The following EYS variants were observed in gnomAD, a reference collection of about 807,000 sequenced individuals.
EYS encodes protein eyes shut homolog.
EYS carries 250 observed loss-of-function variants against 282.1 expected under a neutral mutation model. That is an observed-to-expected ratio of 0.89 (90% confidence interval 0.80 to 0.98). The LOEUF (loss-of-function observed/expected upper bound fraction) is 0.98. Ranked by LOEUF, EYS falls within the 50% of genes least tolerant of loss-of-function variation. The pLI, the probability that EYS is intolerant of heterozygous loss-of-function variation, is 0.00. For missense variants in EYS, 4,016 were observed against 3,709.0 expected (o/e 1.08, Z -2.15); for synonymous variants, 1,355 against 1,282.9 (o/e 1.06, Z -1.20).
At chr6:65,122,360 A>G (rs906297292) in intron 12 of EYS, among the ~76,000 whole-genome samples, 4 of 152,138 alleles carry the variant, frequency 2.6e-5, no homozygotes, top group Non-Finnish European at 5.9e-5. Context: ...AATGTTTATA[A>G]TTCAGACAGG....
chr6:65,224,404 C>T (rs767528991), intron 12 of EYS, among the ~76,000 whole-genome samples: 11 of 151,850 alleles, frequency 7.2e-5, no homozygotes, highest in South Asian at 2.1e-4. Context: ...TTACAGACTG[C>T]GGTAAAGGAG....
intron 22 of EYS, among the ~76,000 whole-genome samples, chr6:64,688,276 G>T (rs1051338189): frequency 9.2e-5 from 14 of 151,908 alleles, no homozygotes; most frequent in South Asian, 4.2e-4. Context: ...GCTTTTGAAT[G>T]TGTTTGCTCT....
Position 65,207,295 on chromosome 6 carries a change from A to T in EYS, c.2023+88568T>A, listed in dbSNP as rs181044875. On this transcript the variant is annotated intron_variant, in intron 12 of 42. Coordinates refer to ENST00000503581, the MANE Select transcript of EYS (RefSeq NM_001142800.2). Reference sequence around the variant, plus strand: ...AAATAGCCACATGCACAAACAAAAAATACCTAGGAATACACTTAAAGAATT... The same window carrying T: ...AAATAGCCACATGCACAAACAAAAATTACCTAGGAATACACTTAAAGAATT... Among the ~76,000 whole-genome samples, 584 of 151,832 alleles carry T rather than the reference A, an allele frequency of 3.8e-3. 4 individuals are homozygous for T. Among genetic ancestry groups the T allele is most frequent in the Middle Eastern group, 6.8e-3 (2 of 294 alleles).
intron 19 of EYS, among the ~76,000 whole-genome samples, chr6:64,861,261 T>G (rs1766228307): frequency 6.6e-6 from 1 of 152,176 alleles, no homozygotes; most frequent in Non-Finnish European, 1.5e-5. Flanking sequence ...GGCAGGGGAC[T>G]GGCATGTCAG....
chr6:64,419,615 G>T (rs1291021362), intron 28 of EYS, among the ~76,000 whole-genome samples: 10 of 152,136 alleles, frequency 6.6e-5, no homozygotes, highest in Admixed American at 6.5e-4. Context: ...CTCCAACTGG[G>T]AGAAATTGGC....
At chr6:64,320,897 C>T (rs181919089) in intron 29 of EYS, among the ~76,000 whole-genome samples, 175 of 151,864 alleles carry the variant, frequency 1.2e-3, no homozygotes, top group African/African-American at 3.9e-3. Context: ...ATAAATTCTA[C>T]TTGGCTTGTA....
intron 26 of EYS, among the ~76,000 whole-genome samples, chr6:64,492,991 A>G (rs1055691135): frequency 6.6e-6 from 1 of 151,384 alleles, no homozygotes; most frequent in Non-Finnish European, 1.5e-5. Context: ...AGGAGACTGA[A>G]CACAAAATAT....
chr6:64,085,340 G>GCGCGCACACACACACACACACACACACA (rs112388321), intron 31 of EYS, among the ~76,000 whole-genome samples: 7 of 139,886 alleles, frequency 5.0e-5, no homozygotes, highest in African/African-American at 1.4e-4. Context: ...ACGTGCGCGC[G>GCGCGCACACACACACACACACACACACA]CACACACACA....
intron 12 of EYS, among the ~76,000 whole-genome samples, chr6:65,110,687 T>C (rs915332266): frequency 3.3e-5 from 5 of 152,064 alleles, no homozygotes; most frequent in Admixed American, 3.3e-4. Context: ...AAAATGTGTA[T>C]CTTTTTTTCA....
intron 22 of EYS, among the ~76,000 whole-genome samples, chr6:64,779,051 A>C (rs1773776920): frequency 6.6e-6 from 1 of 152,172 alleles, no homozygotes; most frequent in Admixed American, 6.5e-5. Context: ...GAAATTGCAA[A>C]AATGATACAA....
intron 1 of EYS, among the ~76,000 whole-genome samples, chr6:65,648,104 T>A (rs1466331088): frequency 6.6e-6 from 1 of 152,206 alleles, no homozygotes; most frequent in Non-Finnish European, 1.5e-5. Context: ...ACGACCACTA[T>A]GGAAAACAAT....
At chr6:64,908,365 T>C (rs1767893146) in intron 16 of EYS, among the ~76,000 whole-genome samples, 2 of 151,912 alleles carry the variant, frequency 1.3e-5, no homozygotes, top group Non-Finnish European at 2.9e-5. Context: ...CCAGAGGGGA[T>C]TTTACAGTGC....
intron 12 of EYS, among the ~76,000 whole-genome samples, chr6:65,072,464 T>C (rs1773929404): frequency 6.6e-6 from 1 of 151,784 alleles, no homozygotes; most frequent in Non-Finnish European, 1.5e-5. Context: ...TAATAGTTTG[T>C]GAAAATAAGC....
rs185948183 is a variant in EYS at position 65,673,807 on chromosome 6, G to A, written c.-448+33328C>T. 3.9e-5 allele frequency among the ~76,000 whole-genome samples: 6 copies of A among 152,040 alleles called. 1 individual carries two copies. Among genetic ancestry groups the A allele is most frequent in the East Asian group, 3.9e-4 (2 of 5,110 alleles). On this transcript the variant is annotated intron_variant, in intron 1 of 42. Coordinates refer to ENST00000503581, the MANE Select transcript of EYS (RefSeq NM_001142800.2). Reference sequence around the variant, plus strand: ...CTTACAGAAGGGAAGATATAACCGCGGTGGCCTTTTCAGACCCTGTGGGAA... The same window carrying A: ...CTTACAGAAGGGAAGATATAACCGCAGTGGCCTTTTCAGACCCTGTGGGAA...
At chr6:65,395,535 G>A (rs943513467) in intron 7 of EYS, among the ~76,000 whole-genome samples, 10 of 152,130 alleles carry the variant, frequency 6.6e-5, no homozygotes, top group African/African-American at 2.4e-4. Context: ...TATATGTGGG[G>A]GATAGCAGGT....
intron 12 of EYS, among the ~76,000 whole-genome samples, chr6:65,182,183 T>A (rs1034970817): frequency 6.6e-6 from 1 of 151,544 alleles, no homozygotes; most frequent in Admixed American, 6.6e-5. Context: ...GTTGTGCACA[T>A]GTACCCTAAA....
intron 12 of EYS, among the ~76,000 whole-genome samples, chr6:65,286,518 A>G (rs939735244): frequency 6.6e-6 from 1 of 151,830 alleles, no homozygotes; most frequent in African/African-American, 2.4e-5. Context: ...TGTAACCCAC[A>G]GAAATATACA....
chr6:63,774,632 A>T (rs1378688109), intron 40 of EYS, among the ~76,000 whole-genome samples: 1 of 152,162 alleles, frequency 6.6e-6, no homozygotes, highest in East Asian at 1.9e-4. Flanking sequence ...ATGTGAGGTA[A>T]TGCATATGTT....
intron 12 of EYS, among the ~76,000 whole-genome samples, chr6:65,066,612 CTT>C (rs1373305038): frequency 7.2e-5 from 11 of 152,202 alleles, no homozygotes; most frequent in African/African-American, 2.6e-4. Context: ...TAGAAATAAT[CTT>C]GTCTCAGTTT....
Sources: gnomAD v4.1 joint callset for allele counts (sites outside exome capture counted in the v4.1 genomes callset) on GRCh38, gnomAD v4.1.1 for gene constraint, MANE v1.5 for transcripts, NCBI Gene and HGNC (gene_info 2026-07-23, HGNC 2026-07-21) for gene names.